DLG2: variants seen among roughly 807,000 people sequenced by gnomAD.
DLG2 encodes the protein discs large MAGUK scaffold protein 2.
DLG2 carries 45 observed loss-of-function variants against 132.5 expected under a neutral mutation model. The ratio of observed to expected loss-of-function variants is 0.34; its 90% CI spans 0.27 to 0.44. DLG2 has a LOEUF of 0.44. Ranked by LOEUF, DLG2 falls within the 20% of genes least tolerant of loss-of-function variation. The probability of loss-of-function intolerance (pLI) is 1.00; values close to 1 mark genes in which losing one functional copy is unlikely to be tolerated. For synonymous variants in DLG2, 424 were observed against 419.6 expected, an observed-to-expected ratio of 1.01 and a Z score of -0.13; for missense variants, 1,045 against 1,196.9, an observed-to-expected ratio of 0.87 and a Z score of 1.87.
intron 5 of DLG2, among the ~76,000 whole-genome samples, chr11:85,146,325 G>C (rs940874517): frequency 3.3e-5 from 5 of 151,024 alleles, no homozygotes; most frequent in African/African-American, 1.2e-4. Flanking sequence ...TCACAGCCAG[G>C]ACTGTGCTGG....
chr11:85,147,273 G>T (rs766299229), intron 5 of DLG2, among the ~76,000 whole-genome samples: 1 of 152,204 alleles, frequency 6.6e-6, no homozygotes, highest in East Asian at 1.9e-4. Context: ...TCACTGGAAC[G>T]TTCTATTCAG....
chr11:84,433,284 T>G (rs2154474050), intron 7 of DLG2, among the ~76,000 whole-genome samples: 1 of 152,292 alleles, frequency 6.6e-6, no homozygotes, highest in Middle Eastern at 3.4e-3. Context: ...GTTCACAAGT[T>G]TTGGTATTTT....
chr11:84,648,202 G>A (rs776490665), intron 6 of DLG2, among the ~76,000 whole-genome samples: 16 of 152,136 alleles, frequency 1.1e-4, no homozygotes, highest in Non-Finnish European at 8.8e-5. Flanking sequence ...ATGCTAATGC[G>A]TATTAATACT....
At chr11:84,555,729 G>A (rs2099410641) in intron 6 of DLG2, among the ~76,000 whole-genome samples, 1 of 152,190 alleles carries the variant, frequency 6.6e-6, no homozygotes, top group Non-Finnish European at 1.5e-5. Context: ...AAGTTCGGGG[G>A]ATCTGTTGTA....
chr11:84,903,214 G>C (rs1381572775), intron 6 of DLG2, among the ~76,000 whole-genome samples: 1 of 152,044 alleles, frequency 6.6e-6, no homozygotes, highest in African/African-American at 2.4e-5. Flanking sequence ...CGAATACAAA[G>C]ACCTTCACAA....
intron 4 of DLG2, among the ~76,000 whole-genome samples, chr11:85,216,433 G>T (rs1021849411): frequency 6.6e-6 from 1 of 152,052 alleles, no homozygotes; most frequent in African/African-American, 2.4e-5. Flanking sequence ...TGTGTTTGTT[G>T]TTCATTTATT....
At chr11:83,676,664 T>C (rs769078928) in intron 18 of DLG2, among the ~76,000 whole-genome samples, 2 of 152,166 alleles carry the variant, frequency 1.3e-5, no homozygotes, top group Non-Finnish European at 2.9e-5. Context: ...AAAGCAAGGG[T>C]GCAAGGTTTA....
At chr11:85,070,963 C>T (rs1193056103) in intron 6 of DLG2, among the ~76,000 whole-genome samples, 1 of 151,858 alleles carries the variant, frequency 6.6e-6, no homozygotes, top group Non-Finnish European at 1.5e-5. Flanking sequence ...AGCTTGGACA[C>T]TGGAGTCAGT....
intron 6 of DLG2, among the ~76,000 whole-genome samples, chr11:84,622,825 A>C (rs118032866): frequency 9.7e-4 from 148 of 152,304 alleles, no homozygotes; most frequent in Middle Eastern, 3.4e-3. Context: ...TTTGAATGCC[A>C]TGTATGTTCT....
At chr11:84,848,353 G>T (rs1026387231) in intron 6 of DLG2, among the ~76,000 whole-genome samples, 1 of 151,992 alleles carries the variant, frequency 6.6e-6, no homozygotes, top group Admixed American at 6.6e-5. Context: ...AATTAGCCAG[G>T]CATGGTGGTG....
At chr11:84,183,250 T>C (rs1007656397) in intron 8 of DLG2, among the ~76,000 whole-genome samples, 3 of 152,140 alleles carry the variant, frequency 2.0e-5, no homozygotes, top group Non-Finnish European at 4.4e-5. Flanking sequence ...ACTTTCTAAC[T>C]CATAAAATGT....
intron 11 of DLG2, among the ~76,000 whole-genome samples, chr11:84,015,554 G>A (rs1475923509): frequency 1.3e-5 from 2 of 152,020 alleles, no homozygotes; most frequent in Non-Finnish European, 2.9e-5. Flanking sequence ...CTCTCCAACA[G>A]GCCCCAGTGT....
At chr11:84,043,542 C>T (rs1319559071) in intron 11 of DLG2, among the ~76,000 whole-genome samples, 1 of 151,738 alleles carries the variant, frequency 6.6e-6, no homozygotes, top group Non-Finnish European at 1.5e-5. Context: ...CCAAACCCTC[C>T]ACTCTCAAGT....
chr11:85,539,991 T>C (rs974762425), intron 3 of DLG2, among the ~76,000 whole-genome samples: 1 of 152,194 alleles, frequency 6.6e-6, no homozygotes, highest in African/African-American at 2.4e-5. Flanking sequence ...CTTCTGCTAT[T>C]TCCTGCTGAG....
intron 6 of DLG2, among the ~76,000 whole-genome samples, chr11:84,569,787 C>T (rs994223487): frequency 6.6e-6 from 1 of 152,098 alleles, no homozygotes; most frequent in African/African-American, 2.4e-5. Context: ...AAGATTGAGG[C>T]CAATTATGGG....
At chr11:85,263,482 A>T (rs1207998014) in intron 4 of DLG2, among the ~76,000 whole-genome samples, 1 of 152,210 alleles carries the variant, frequency 6.6e-6, no homozygotes, top group Non-Finnish European at 1.5e-5. Context: ...AAAGGATAGG[A>T]GAGAGTCTTC....
intron 6 of DLG2, among the ~76,000 whole-genome samples, chr11:84,734,683 G>C (rs1254475011): frequency 6.6e-6 from 1 of 152,128 alleles, no homozygotes; most frequent in African/African-American, 2.4e-5. Flanking sequence ...TGTTGAATAG[G>C]AGTGGTGAGA....
intron 6 of DLG2, among the ~76,000 whole-genome samples, chr11:84,666,977 C>T (rs146810896): frequency 3.9e-5 from 6 of 152,196 alleles, no homozygotes; most frequent in Non-Finnish European, 7.4e-5. Flanking sequence ...GTCCTATCTA[C>T]ATATCCCTCT....
chr11:85,555,682 C>T (rs1046904118), intron 3 of DLG2, among the ~76,000 whole-genome samples: 1 of 151,874 alleles, frequency 6.6e-6, no homozygotes, highest in African/African-American at 2.4e-5. Context: ...TAAAAGTCAT[C>T]ACCATACCCA....
Sources: allele counts gnomAD v4.1 joint callset (sites outside exome capture counted in the v4.1 genomes callset), GRCh38; gene constraint gnomAD v4.1.1; transcripts MANE v1.5; gene names NCBI Gene and HGNC (gene_info 2026-07-23, HGNC 2026-07-21).